Variants in MNAT1 observed in about 807,000 individuals in gnomAD.
MNAT1 encodes CDK-activating kinase assembly factor MAT1.
A neutral mutation model predicts 42.0 loss-of-function variants in MNAT1; 43 were observed. The observed-to-expected ratio is 1.02, with a 90% CI of 0.80 to 1.32. The LOEUF (loss-of-function observed/expected upper bound fraction) is 1.32. Ranked by LOEUF, MNAT1 falls within the 40% of genes most tolerant of loss-of-function variation. MNAT1 has a pLI of 0.00. For synonymous variants in MNAT1, 118 were observed against 120.0 expected (o/e 0.98, Z 0.11); for missense variants, 306 against 350.4 (o/e 0.87, Z 1.01).
intron 7 of MNAT1, among the ~76,000 whole-genome samples, chr14:60,928,617 T>C (rs1037630156): frequency 6.6e-6 from 1 of 152,178 alleles, no homozygotes; most frequent in African/African-American, 2.4e-5. Context: ...TTTTTATGTG[T>C]TTATTACCCA....
chr14:60,776,101 G>C (rs2140310544), intron 1 of MNAT1, among the ~76,000 whole-genome samples: 1 of 152,292 alleles, frequency 6.6e-6, no homozygotes, highest in South Asian at 2.1e-4. Flanking sequence ...GTGGAGAGGA[G>C]CAAGTGAGTT....
intron 1 of MNAT1, among the ~76,000 whole-genome samples, chr14:60,742,060 G>A (rs1199044668): frequency 2.0e-5 from 3 of 151,466 alleles, no homozygotes; most frequent in Non-Finnish European, 2.9e-5. Context: ...CCTATTAGCC[G>A]GTAGCTTTTT....
chr14:60,934,311 C>G (rs924690331), intron 7 of MNAT1, among the ~76,000 whole-genome samples: 1 of 152,178 alleles, frequency 6.6e-6, no homozygotes, highest in Non-Finnish European at 1.5e-5. Flanking sequence ...TTCCTTGGTG[C>G]CTTCCTGGCC....
intron 7 of MNAT1, among the ~76,000 whole-genome samples, chr14:60,932,317 T>C (rs2139571802): frequency 6.6e-6 from 1 of 152,188 alleles, no homozygotes; most frequent in Admixed American, 6.5e-5. Context: ...TACAGCAGCC[T>C]TAAATTATGC....
chr14:60,741,624 G>A (rs1896462478), intron 1 of MNAT1, among the ~76,000 whole-genome samples: 1 of 149,612 alleles, frequency 6.7e-6, no homozygotes, highest in African/African-American at 2.5e-5. Context: ...CTCCCAAAGT[G>A]CTGGGATTAC....
At chr14:60,808,553 G>C (rs1044759704) in intron 4 of MNAT1, 125 bp downstream of exon 4, 5 of 617,094 alleles carry the variant, frequency 8.1e-6, no homozygotes, top group Middle Eastern at 4.6e-4. Flanking sequence ...ATTTAGACCA[G>C]AAATATGAAT....
In MNAT1 at chr14:60,878,634, C is replaced by A. The variant is rs1237097168; in HGVS notation, c.688-1080C>A. On this transcript the variant is annotated intron_variant, in intron 6 of 7. Transcript: ENST00000261245. ...TTTGGCCCTCCAGAAACTCAATAAG[C>A]AAAATGCCATGAGTATTTTGAATTG... 2.0e-5 allele frequency among the ~76,000 whole-genome samples: 3 copies of A among 152,072 alleles called. No homozygotes were observed. The East Asian group carries it at 5.8e-4, about 29-fold the overall frequency.
intron 1 of MNAT1, chr14:60,779,949 T>C: frequency 6.8e-7 from 1 of 1,469,314 alleles, no homozygotes; most frequent in Non-Finnish European, 9.5e-7. Flanking sequence ...CGTGCCTTTG[T>C]TTGTGTCCCT....
Position 60,946,841 on chromosome 14 carries a change from A to G in MNAT1, c.810-21388A>G, listed in dbSNP as rs368855537. Among the ~76,000 whole-genome samples, 92 of 152,354 alleles carry G rather than the reference A, an allele frequency of 6.0e-4. No homozygotes were observed. The Middle Eastern group carries it at 0.01, about 17-fold the overall frequency. ...TTGTCTACTTCAACTGCTATAACCA[A>G]ATACCACACACTCAGTGGCTTAAAC... On this transcript the variant is annotated intron_variant, in intron 7 of 7. Coordinates refer to ENST00000261245, the MANE Select transcript of MNAT1 (RefSeq NM_002431.4).
At chr14:60,815,326 T>C (rs1001686129) in intron 5 of MNAT1, among the ~76,000 whole-genome samples, 15 of 152,002 alleles carry the variant, frequency 9.9e-5, no homozygotes, top group Admixed American at 9.8e-4. Flanking sequence ...AGCAATTCTT[T>C]GCCTTAGCCT....
chr14:60,854,656 T>G (rs1332375807), intron 6 of MNAT1, among the ~76,000 whole-genome samples: 1 of 152,230 alleles, frequency 6.6e-6, no homozygotes, highest in Non-Finnish European at 1.5e-5. Flanking sequence ...GATTGCTGCC[T>G]GCTCCTTCCT....
intron 6 of MNAT1, among the ~76,000 whole-genome samples, chr14:60,864,202 T>G (rs1328014683): frequency 1.3e-5 from 2 of 151,810 alleles, no homozygotes; most frequent in African/African-American, 4.8e-5. Flanking sequence ...TAGCTTTCAT[T>G]TAAAAAGTAC....
chr14:60,844,653 A>G (rs1415533665), intron 6 of MNAT1, among the ~76,000 whole-genome samples: 2 of 151,924 alleles, frequency 1.3e-5, no homozygotes, highest in Non-Finnish European at 2.9e-5. Flanking sequence ...AGACAGTTTT[A>G]CTTCTCTGCC....
chr14:60,848,910 T>G (rs1401774027), intron 6 of MNAT1, among the ~76,000 whole-genome samples: 6 of 152,186 alleles, frequency 3.9e-5, no homozygotes, highest in Non-Finnish European at 5.9e-5. Flanking sequence ...AGAGTTAATG[T>G]CTATAAATAT....
At chr14:60,894,289 T>TA (rs112317640) in intron 7 of MNAT1, among the ~76,000 whole-genome samples, 3 of 151,674 alleles carry the variant, frequency 2.0e-5, no homozygotes, top group African/African-American at 4.8e-5. Flanking sequence ...TTTTTTTTTT[T>TA]AAAATAATTT....
At chr14:60,874,190 TA>T (rs1202379027) in intron 6 of MNAT1, among the ~76,000 whole-genome samples, 4 of 152,226 alleles carry the variant, frequency 2.6e-5, no homozygotes, top group Non-Finnish European at 5.9e-5. Flanking sequence ...ATGCTGGAGA[TA>T]AAACATTCTG....
intron 6 of MNAT1, among the ~76,000 whole-genome samples, chr14:60,855,416 T>A (rs943976136): frequency 2.0e-5 from 3 of 152,012 alleles, no homozygotes; most frequent in Non-Finnish European, 4.4e-5. Flanking sequence ...GCTGCCCCAT[T>A]TTGTGTCTGA....
At chr14:60,954,900 A>G (rs1043901926) in intron 7 of MNAT1, among the ~76,000 whole-genome samples, 1 of 151,986 alleles carries the variant, frequency 6.6e-6, no homozygotes, top group Non-Finnish European at 1.5e-5. Context: ...TTCCTTCTAT[A>G]TGTAATTTGT....
At chr14:60,959,920 G>GTT (rs11359127) in intron 7 of MNAT1, among the ~76,000 whole-genome samples, 183 of 93,184 alleles carry the variant, frequency 2.0e-3, no homozygotes, top group African/African-American at 6.5e-3. Flanking sequence ...TGGTTTTTAT[G>GTT]TTTTTTTTTT....
Sources: allele counts gnomAD v4.1 joint callset (sites outside exome capture counted in the v4.1 genomes callset), GRCh38; gene constraint gnomAD v4.1.1; transcripts MANE v1.5; gene names NCBI Gene and HGNC (gene_info 2026-07-23, HGNC 2026-07-21).